FGFR4: variants seen among roughly 807,000 people sequenced by gnomAD.
FGFR4 encodes the protein hydroxyaryl-protein kinase.
In FGFR4, 63 loss-of-function variants were observed where a neutral mutation model predicts 89.9. The observed-to-expected ratio is 0.70, with a 90% CI of 0.57 to 0.86. The LOEUF (loss-of-function observed/expected upper bound fraction) is 0.86, where lower values mean the gene tolerates loss of function less well. FGFR4 is among the 40% of genes least tolerant of loss of function. The pLI is 0.00. For synonymous variants in FGFR4, 486 were observed against 479.4 expected (o/e 1.01, Z -0.18); for missense variants, 928 against 1,106.7 (o/e 0.84, Z 2.29).
chr5:177,095,099 A>G lies in FGFR4; in HGVS notation c.1520-231A>G, dbSNP rs13173962. 1 of 540,856 alleles carries G rather than the reference A, an allele frequency of 1.8e-6. No individual in the cohort carries two copies. The highest frequency in any genetic ancestry group is 3.4e-6 in the Non-Finnish European group (1 of 297,418). 33.5% of individuals were successfully genotyped at this position (540,856 alleles called of 1,614,324 possible). Reference sequence around the variant, plus strand: ...CCTCTTAGATCCTTGATACAGTTGCATCCTTGCAACTGCTGTGACAGGCAG... The same window carrying G: ...CCTCTTAGATCCTTGATACAGTTGCGTCCTTGCAACTGCTGTGACAGGCAG... On this transcript the variant is annotated intron_variant, in intron 11 of 17. Transcript: ENST00000292408. This position sits in a 1 kb window ranked among gnomAD's most constrained non-coding sequence, Gnocchi z 5.7.
intron 16 of FGFR4, 95 bp from the exon 17 acceptor site, chr5:177,097,197 C>T (rs751989773): frequency 1.6e-5 from 16 of 971,974 alleles, no homozygotes; most frequent in Non-Finnish European, 1.8e-5. Context: ...CATCAAACTC[C>T]CCACCAAACT....
chr5:177,096,547 C>T, intron 15 of FGFR4, 57 bp from the exon 16 acceptor site: 1 of 1,601,364 alleles, frequency 6.2e-7, no homozygotes, highest in Non-Finnish European at 8.5e-7. Flanking sequence ...GTCCCCCGTC[C>T]TAGCCCCGGT....
At chr5:177,090,056 C>A in intron 2 of FGFR4, 1 of 662,984 alleles carries the variant, frequency 1.5e-6, no homozygotes. Flanking sequence ...TGATATGCCC[C>A]GGTGCAGCAT....
intron 4 of FGFR4, 53 bp from the exon 5 acceptor site, chr5:177,090,885 G>A (rs768336544): frequency 6.2e-7 from 1 of 1,614,040 alleles, no homozygotes; most frequent in Non-Finnish European, 8.5e-7. Context: ...CTGAGAAGAG[G>A]AGGCCTGTGT....
At position 177,096,037 on chromosome 5, in the gene FGFR4, C is replaced by G. The variant is rs1784547586; in HGVS notation, c.1822-20C>G. ...TCCAGGCCAGGTGTCCTGAGGCACC[C>G]AAGCCCCCGCTCCCTGCAGTGTATC... On this transcript the variant is annotated intron_variant, in intron 13 of 17. Transcript: ENST00000292408. 5 of 1,608,696 alleles carry G rather than the reference C, an allele frequency of 3.1e-6. No individual in the cohort carries two copies. The highest frequency in any genetic ancestry group is 4.2e-6 in the Non-Finnish European group (5 of 1,177,576).
intron 1 of FGFR4, chr5:177,088,339 A>G (rs1242917718): frequency 3.8e-5 from 7 of 183,774 alleles, no homozygotes; most frequent in South Asian, 2.0e-4. Context: ...GGTGTGAACC[A>G]TCGCGCCCAG....
chr5:177,091,806 T>C lies in FGFR4; in HGVS notation c.725T>C (p.Leu242Pro). The C allele has an allele frequency of 6.2e-7, 1 of 1,614,034 alleles. No homozygotes were observed. Among genetic ancestry groups the C allele is most frequent in the Non-Finnish European group, 8.5e-7 (1 of 1,179,976 alleles). ...CGCTATAACTACCTGCTAGATGTGC[T>C]GGGTGAGCGCGGGGCTGGGAACAGG... ...SIRYNYLLDV[L>P]ERSPHRPILQ... is the part of the protein sequence containing the mutation. Residue 242 changes from leucine to proline, a missense_variant and splice_region_variant, in exon 6 of 18, where the codon CTG (leucine) becomes CCG (proline). Transcript: ENST00000292408.
chr5:177,092,573 T>C (rs1784405389), intron 7 of FGFR4, 62 bp downstream of exon 7: 3 of 1,565,806 alleles, frequency 1.9e-6, no homozygotes, highest in Non-Finnish European at 2.6e-6. Flanking sequence ...GTTGGGGGGC[T>C]CCCCAGCTTC....
In FGFR4 at chr5:177,092,376, C is replaced by A; in HGVS notation, c.783C>A (p.Ala261=). 1.2e-6 allele frequency: 2 copies of A among 1,607,080 alleles called. No homozygotes were observed. Among genetic ancestry groups the A allele is most frequent in the Non-Finnish European group, 1.7e-6 (2 of 1,174,888 alleles). ...LQAGLPANTT[A]VVGSDVELLC... Reference sequence around the variant, plus strand: ...CCGGGCTCCCGGCCAACACCACAGCCGTGGTGGGCAGCGACGTGGAGCTGC... The same window carrying A: ...CCGGGCTCCCGGCCAACACCACAGCAGTGGTGGGCAGCGACGTGGAGCTGC... Residue 261 remains alanine (A), a synonymous_variant, in exon 7 of 18, where the codon GCC becomes GCA. Coordinates refer to ENST00000292408, the MANE Select transcript of FGFR4 (RefSeq NM_213647.3).
Position 177,096,102 on chromosome 5 carries a change from G to A in FGFR4, c.1867G>A (p.Asp623Asn), listed in dbSNP as rs754529388. ...LAARNVLVTE[D>N]NVMKIADFGL... ...TGCCCGCAATGTGCTGGTGACTGAG[G>A]ACAATGTGATGAAGATTGCTGACTT... The change falls in exon 14 of 18, where the codon GAC becomes AAC. Residue 623 changes from aspartate to asparagine, a missense_variant. Physicochemically the swap from Asp to Asn is conservative, Grantham distance 23. Around this residue, in one of 5 missense-constraint regions of FGFR4, gnomAD observed 11 missense variants for 37.2 expected, o/e 0.30. Coordinates refer to ENST00000292408, the MANE Select transcript of FGFR4 (RefSeq NM_213647.3). 12 of 1,614,066 alleles carry A rather than the reference G, an allele frequency of 7.4e-6. No homozygotes were observed. The highest frequency in any genetic ancestry group is 2.2e-5 in the South Asian group (2 of 91,082).
rs755033652 is a variant in FGFR4 at position 177,093,166 on chromosome 5, G to A, written c.1086G>A (p.Ala362=). ...AGGACCCCACATGGACCGCAGCAGC[G>A]CCCGAGGCCAGGTATACGGACATCA... ...PEEDPTWTAA[A]PEARYTDIIL... is the part of the protein sequence containing the mutation. Residue 362 remains alanine, a synonymous_variant, in exon 9 of 18, where the codon GCG becomes GCA. Coordinates refer to ENST00000292408, the MANE Select transcript of FGFR4 (RefSeq NM_213647.3). The surrounding 1 kb of genome is among the most constrained non-coding windows in gnomAD (Gnocchi z 5.8). 9 of 1,613,906 alleles carry A rather than the reference G, an allele frequency of 5.6e-6. No homozygotes were observed. The highest frequency in any genetic ancestry group is 4.0e-5 in the African/African-American group (3 of 74,916).
At chr5:177,089,867 A>G in intron 2 of FGFR4, 174 bp downstream of exon 2, 1 of 851,892 alleles carries the variant, frequency 1.2e-6, no homozygotes, top group Non-Finnish European at 1.9e-6. Context: ...GCAAGCATTC[A>G]TCTATCACTG....
rs552027908 is a variant in FGFR4, at chr5:177,093,538, T to C, written c.1384T>C (p.Phe462Leu). ...LDLPLDPLWE[F>L]PRDRLVLGKP... ...TCTACCTCTCGACCCACTATGGGAG[T>C]TCCCCCGGGACAGGTGCGCTGAGCT... Residue 462 changes from phenylalanine (F) to leucine (L), a missense_variant, in exon 10 of 18, where the codon TTC (phenylalanine) becomes CTC (leucine). Physicochemically the swap from Phe to Leu is conservative, Grantham distance 22. Transcript: ENST00000292408. This position sits in a 1 kb window ranked among gnomAD's most constrained non-coding sequence, Gnocchi z 5.8. The C allele has an allele frequency of 1.6e-5, 26 of 1,613,516 alleles. No individual in the cohort carries two copies. Among genetic ancestry groups the C allele is most frequent in the Non-Finnish European group, 2.1e-5 (25 of 1,179,764 alleles).
rs777953609 is a variant in FGFR4, at chr5:177,093,178, G to A, written c.1098G>A (p.Arg366=). Residue 366 remains arginine, a synonymous_variant, in exon 9 of 18, where the codon AGG becomes AGA. Transcript: ENST00000292408. This position sits in a 1 kb window ranked among gnomAD's most constrained non-coding sequence, Gnocchi z 5.8. ...GGACCGCAGCAGCGCCCGAGGCCAG[G>A]TATACGGACATCATCCTGTACGCGT... is the stretch of plus-strand genomic sequence containing the variant. ...PTWTAAAPEA[R]YTDIILYASG... The A allele has an allele frequency of 2.2e-5, 36 of 1,614,044 alleles. No individual in the cohort carries two copies. In the Admixed American group the frequency reaches 5.8e-4, roughly 26 times the overall value.
Position 177,096,099 on chromosome 5 carries a change from G to A in FGFR4, c.1864G>A (p.Glu622Lys), listed in dbSNP as rs2149738489. 1 of 1,614,180 alleles carries A rather than the reference G, an allele frequency of 6.2e-7. No homozygotes were observed. The highest frequency in any genetic ancestry group is 8.5e-7 in the Non-Finnish European group (1 of 1,180,008). Residue 622 changes from glutamate (E) to lysine (K), a missense_variant, in exon 14 of 18, where the codon GAG (glutamate) becomes AAG (lysine). Glu to Lys is a moderately conservative substitution (Grantham distance 56). Around this residue, in one of 5 missense-constraint regions of FGFR4, gnomAD observed 11 missense variants for 37.2 expected, o/e 0.30. Transcript: ENST00000292408. ...GGCTGCCCGCAATGTGCTGGTGACT[G>A]AGGACAATGTGATGAAGATTGCTGA... ...DLAARNVLVT[E>K]DNVMKIADFG...
chr5:177,091,872 T>TG, intron 6 of FGFR4, 64 bp downstream of exon 6: 1 of 1,599,330 alleles, frequency 6.3e-7, no homozygotes, highest in Non-Finnish European at 8.5e-7. Context: ...GCCCTCTTGG[T>TG]GGGGTCTAGT....
chr5:177,095,544 G>T lies in FGFR4; in HGVS notation c.1642G>T (p.Val548Leu). 6.2e-7 allele frequency: 1 copy of T among 1,610,966 alleles called. No homozygotes were observed. The highest frequency in any genetic ancestry group is 8.5e-7 in the Non-Finnish European group (1 of 1,178,624). ...GVCTQEGPLY[V>L]IVECAAKGNL... is the part of the protein sequence containing the mutation. ...CACTCCCTCTGCAGGGCCCCTGTAC[G>T]TGATCGTGGAGTGCGCCGCCAAGGG... The change falls in exon 13 of 18, where the codon GTG becomes TTG. Residue 548 changes from valine to leucine, a missense_variant. Transcript: ENST00000292408. The surrounding 1 kb of genome is among the most constrained non-coding windows in gnomAD (Gnocchi z 5.7).
rs1259527753 is a variant in FGFR4 at position 177,090,620 on chromosome 5, A to C, written c.322A>C (p.Ile108Leu). The part of the protein sequence containing the change: ...RYLCLARGSM[I>L]VLQNLTLITG... The stretch of plus-strand genomic sequence containing the variant: ...CCTCTGCCTGGCACGAGGCTCCATG[A>C]TCGTCCTGCAGAATCTCACCTTGAT... The change falls in exon 3 of 18, where the codon ATC (isoleucine) becomes CTC (leucine). Residue 108 changes from isoleucine to leucine, a missense_variant. Physicochemically the swap from Ile to Leu is conservative, Grantham distance 5. Transcript: ENST00000292408. 6.6e-7 allele frequency: 1 copy of C among 1,522,308 alleles called. No homozygotes were observed. The highest frequency in any genetic ancestry group is 1.4e-5 in the African/African-American group (1 of 71,862). 94.3% of individuals were successfully genotyped at this position (1,522,308 alleles called of 1,614,324 possible). A position where few individuals can be genotyped will look rare whatever the true frequency, so the allele number is the denominator to read the frequency against.
rs374011645 is a variant in FGFR4, at chr5:177,093,547, G to T, written c.1393G>T (p.Asp465Tyr). 4 of 1,613,422 alleles carry T rather than the reference G, an allele frequency of 2.5e-6. No individual in the cohort carries two copies. Among genetic ancestry groups the T allele is most frequent in the East Asian group, 4.5e-5 (2 of 44,880 alleles). Residue 465 changes from aspartate (D) to tyrosine (Y), a missense_variant, in exon 10 of 18, where the codon GAC (aspartate) becomes TAC (tyrosine). Asp to Tyr is a radical substitution (Grantham distance 160). Coordinates refer to ENST00000292408, the MANE Select transcript of FGFR4 (RefSeq NM_213647.3). This position sits in a 1 kb window ranked among gnomAD's most constrained non-coding sequence, Gnocchi z 5.8. ...CGACCCACTATGGGAGTTCCCCCGG[G>T]ACAGGTGCGCTGAGCTGTGTGGGGG... ...PLDPLWEFPR[D>Y]RLVLGKPLGE...
Sources: gnomAD v4.1 joint callset for allele counts on GRCh38, gnomAD v4.1.1 for gene constraint, gnomAD v4.1.1 regional missense constraint, Gnocchi (gnomAD v3.1) non-coding constraint, MANE v1.5 for transcripts, NCBI Gene and HGNC (gene_info 2026-07-23, HGNC 2026-07-21) for gene names.